The following FARS2 variants were observed in gnomAD, a reference collection of about 807,000 sequenced individuals.
FARS2 encodes the protein phenylalanyl-tRNA synthetase 2, mitochondrial.
A neutral mutation model predicts 46.4 loss-of-function variants in FARS2; 40 were observed. The ratio of observed to expected loss-of-function variants is 0.86; its 90% CI spans 0.67 to 1.12. The LOEUF is 1.12. Among genes scored for constraint, FARS2 ranks in the 50% most tolerant of loss-of-function variants. The pLI is 0.00. For missense variants in FARS2, 513 were observed against 567.9 expected (o/e 0.90, Z 0.98); for synonymous variants, 234 against 214.9 (o/e 1.09, Z -0.78).
intron 4 of FARS2, among the ~76,000 whole-genome samples, chr6:5,506,659 G>A (rs922721311): frequency 2.0e-5 from 3 of 152,280 alleles, no homozygotes; most frequent in Admixed American, 1.3e-4. Context: ...AACATTACAC[G>A]AAGATGCTTG....
intron 6 of FARS2, among the ~76,000 whole-genome samples, chr6:5,624,154 GA>G (rs1561760374): frequency 6.7e-6 from 1 of 150,212 alleles, no homozygotes; most frequent in Admixed American, 6.6e-5. Flanking sequence ...TCAGACAGCC[GA>G]AAAAGCAATT....
intron 6 of FARS2, among the ~76,000 whole-genome samples, chr6:5,681,494 C>T (rs1007480240): frequency 2.0e-5 from 3 of 152,152 alleles, no homozygotes; most frequent in Non-Finnish European, 4.4e-5. Context: ...TATGCCTTCC[C>T]GTAGTTCCCA....
intron 1 of FARS2, among the ~76,000 whole-genome samples, chr6:5,357,008 A>G (rs1757976473): frequency 1.3e-5 from 2 of 151,918 alleles, no homozygotes; most frequent in African/African-American, 4.8e-5. Context: ...GGGTTAATGG[A>G]ACTCCGATAT....
chr6:5,619,368 C>G (rs1451607328), intron 6 of FARS2, among the ~76,000 whole-genome samples: 1 of 152,114 alleles, frequency 6.6e-6, no homozygotes, highest in Non-Finnish European at 1.5e-5. Flanking sequence ...AGGGTGGATT[C>G]ACTGATGCCC....
At chr6:5,504,493 C>T (rs1485700374) in intron 4 of FARS2, among the ~76,000 whole-genome samples, 2 of 149,292 alleles carry the variant, frequency 1.3e-5, no homozygotes, top group Non-Finnish European at 3.0e-5. Flanking sequence ...AGGATTTGCT[C>T]TGAGCTTATC....
intron 5 of FARS2, chr6:5,609,402 A>G (rs1775044926): frequency 9.4e-6 from 12 of 1,270,388 alleles, no homozygotes; most frequent in Non-Finnish European, 1.4e-5. Flanking sequence ...GTAATTGCCA[A>G]AATCATTGTA....
rs532366116 is a variant in FARS2 at position 5,315,470 on chromosome 6, C to T, written c.-21-53080C>T. On this transcript the variant is annotated intron_variant, in intron 1 of 6. Transcript: ENST00000274680. ...TAAAGTCATAAACTGTAATGAAATT[C>T]ACCACAGATTTACCTAGGTAAGCAA... Among the ~76,000 whole-genome samples the T allele has an allele frequency of 9.2e-5, 14 of 152,242 alleles. No individual in the cohort carries two copies. In the South Asian group the frequency reaches 2.7e-3, roughly 29 times the overall value.
At chr6:5,643,880 A>C (rs971882047) in intron 6 of FARS2, among the ~76,000 whole-genome samples, 3 of 152,340 alleles carry the variant, frequency 2.0e-5, no homozygotes, top group Admixed American at 6.5e-5. Context: ...AGTGTGTGGC[A>C]GACTTATTGA....
intron 6 of FARS2, among the ~76,000 whole-genome samples, chr6:5,763,537 G>A (rs1762595453): frequency 6.6e-6 from 1 of 152,158 alleles, no homozygotes; most frequent in Admixed American, 6.6e-5. Context: ...GAGCCTCAGA[G>A]CACATTTATT....
chr6:5,678,755 C>T lies in FARS2; in HGVS notation c.1217+65435C>T, dbSNP rs567344602. 5.9e-5 allele frequency among the ~76,000 whole-genome samples: 9 copies of T among 152,332 alleles called. No individual in the cohort carries two copies. The South Asian group carries it at 1.7e-3, about 28-fold the overall frequency. On this transcript the variant is annotated intron_variant, in intron 6 of 6. Transcript: ENST00000274680. ...GTATGGAAGCTAGGAGGGAAACACC[C>T]TGGTACGTGCTCTTTAAAGTCTGTG...
chr6:5,649,172 C>G (rs1777220232), intron 6 of FARS2, among the ~76,000 whole-genome samples: 1 of 152,124 alleles, frequency 6.6e-6, no homozygotes, highest in Non-Finnish European at 1.5e-5. Context: ...AGAATTATGG[C>G]TGATGTGAAA....
chr6:5,448,927 A>G (rs1196266990), intron 4 of FARS2, among the ~76,000 whole-genome samples: 1 of 152,204 alleles, frequency 6.6e-6, no homozygotes, highest in Non-Finnish European at 1.5e-5. Context: ...GTTGCACCCA[A>G]GCTTTTGAAC....
At chr6:5,634,658 A>G (rs1197496822) in intron 6 of FARS2, among the ~76,000 whole-genome samples, 1 of 152,206 alleles carries the variant, frequency 6.6e-6, no homozygotes, top group African/African-American at 2.4e-5. Flanking sequence ...TATATGAAGC[A>G]ATTCATTTGT....
chr6:5,430,362 A>G (rs73352418), intron 3 of FARS2, among the ~76,000 whole-genome samples: 13,497 of 152,150 alleles, frequency 0.089, 764 homozygotes, highest in African/African-American at 0.16. Flanking sequence ...CTTGTTAAAT[A>G]GTAAGGCCAT....
At chr6:5,539,444 G>A (rs528422986) in intron 4 of FARS2, among the ~76,000 whole-genome samples, 2 of 145,198 alleles carry the variant, frequency 1.4e-5, no homozygotes, top group African/African-American at 5.3e-5. Context: ...ATGTTAGCCA[G>A]GATGGTTTCA....
chr6:5,667,591 G>A (rs573227146), intron 6 of FARS2, among the ~76,000 whole-genome samples: 1 of 151,994 alleles, frequency 6.6e-6, no homozygotes, highest in Non-Finnish European at 1.5e-5. Context: ...AAATTTGGGG[G>A]AAAAGTAAAA....
At chr6:5,351,983 T>C (rs1251779559) in intron 1 of FARS2, among the ~76,000 whole-genome samples, 1 of 152,172 alleles carries the variant, frequency 6.6e-6, no homozygotes, top group Non-Finnish European at 1.5e-5. Context: ...CCTCTGGAAA[T>C]AGAGATTTGA....
chr6:5,275,052 C>T (rs1206955724), intron 1 of FARS2, among the ~76,000 whole-genome samples: 2 of 152,320 alleles, frequency 1.3e-5, no homozygotes, highest in South Asian at 2.1e-4. Flanking sequence ...AGAACTTCCC[C>T]GCTTCAGCCT....
At chr6:5,585,964 AATT>A (rs1773593180) in intron 5 of FARS2, among the ~76,000 whole-genome samples, 1 of 152,094 alleles carries the variant, frequency 6.6e-6, no homozygotes, top group African/African-American at 2.4e-5. Flanking sequence ...TTCTGTTTTC[AATT>A]TATGGATTTA....
Sources: allele counts gnomAD v4.1 joint callset (sites outside exome capture counted in the v4.1 genomes callset), GRCh38; gene constraint gnomAD v4.1.1; transcripts MANE v1.5; gene names NCBI Gene and HGNC (gene_info 2026-07-23, HGNC 2026-07-21).